Variants in CTNNA3 observed in about 807,000 individuals in gnomAD.
CTNNA3 encodes catenin alpha-3.
A neutral mutation model predicts 95.7 loss-of-function variants in CTNNA3; 76 were observed. The observed-to-expected ratio is 0.79, with a 90% CI of 0.66 to 0.96. CTNNA3 has a LOEUF of 0.96. Among genes scored for constraint, CTNNA3 ranks in the 40% least tolerant of loss-of-function variants. The pLI is 0.00. For missense variants in CTNNA3, 1,191 were observed against 1,089.8 expected (o/e 1.09, Z -1.31); for synonymous variants, 431 against 374.4 (o/e 1.15, Z -1.74).
chr10:67,027,988 T>G (rs1344977734), intron 7 of CTNNA3, among the ~76,000 whole-genome samples: 6 of 152,152 alleles, frequency 3.9e-5, no homozygotes. Flanking sequence ...AACAACCCTG[T>G]GAAGCAAGTA....
chr10:66,524,051 G>T (rs1841162083), intron 10 of CTNNA3, among the ~76,000 whole-genome samples: 1 of 151,870 alleles, frequency 6.6e-6, no homozygotes, highest in African/African-American at 2.4e-5. Context: ...ACTCATCTTT[G>T]TACCTCTGTG....
At chr10:66,849,190 T>C (rs754310471) in intron 7 of CTNNA3, among the ~76,000 whole-genome samples, 19 of 152,204 alleles carry the variant, frequency 1.2e-4, no homozygotes, top group African/African-American at 3.1e-4. Context: ...AACCGTAATT[T>C]CTTTTGTAAT....
At chr10:66,379,381 T>G (rs1564911808) in intron 11 of CTNNA3, 29 bp from the exon 12 acceptor site, 1 of 1,562,516 alleles carries the variant, frequency 6.4e-7, no homozygotes, top group South Asian at 1.1e-5. Context: ...AATTAGTTTT[T>G]GCGTGTGTCT....
In CTNNA3 at chr10:65,956,800, A is replaced by C. The variant is rs189720039; in HGVS notation, c.2400+9812T>G. On this transcript the variant is annotated intron_variant, in intron 17 of 17. Coordinates refer to ENST00000433211, the MANE Select transcript of CTNNA3 (RefSeq NM_013266.4). ...TTTTACATTTGCTGAGGAGTGCTTT[A>C]CTTCCAACTATGTTGTCAATTTTGG... 2.5e-3 allele frequency among the ~76,000 whole-genome samples: 381 copies of C among 152,298 alleles called. 3 individuals are homozygous for C. Among genetic ancestry groups the C allele is most frequent in the African/African-American group, 8.7e-3 (362 of 41,568 alleles).
chr10:66,718,929 A>C (rs2132629376), intron 9 of CTNNA3, among the ~76,000 whole-genome samples: 1 of 152,344 alleles, frequency 6.6e-6, no homozygotes, highest in African/African-American at 2.4e-5. Flanking sequence ...TTACCACTAA[A>C]GTAACATAGA....
At position 67,606,877 on chromosome 10, in the gene CTNNA3, A is replaced by C. The variant is rs1160444067; in HGVS notation, c.272T>G (p.Leu91Arg). 6.2e-7 allele frequency: 1 copy of C among 1,613,480 alleles called. No individual in the cohort carries two copies. The highest frequency in any genetic ancestry group is 1.7e-5 in the Admixed American group (1 of 59,902). The change falls in exon 3 of 18, where the codon CTT (leucine) becomes CGT (arginine). Residue 91 changes from leucine (L) to arginine (R), a missense_variant. Physicochemically the swap from Leu to Arg is moderately radical, Grantham distance 102. Coordinates refer to ENST00000433211, the MANE Select transcript of CTNNA3 (RefSeq NM_013266.4). ...TVLKDELTASLEEVRKESEAL... is the reference protein window; with the variant it reads ...TVLKDELTASREEVRKESEAL... Reference sequence around the variant, plus strand: ...CTCACTTTCTTTGCGAACTTCCTCAAGTGAAGCCGTAAGCTCATCCTTTAA... The same window carrying C: ...CTCACTTTCTTTGCGAACTTCCTCACGTGAAGCCGTAAGCTCATCCTTTAA...
intron 12 of CTNNA3, among the ~76,000 whole-genome samples, chr10:66,360,767 CCTTTTCTTTCTTTCTTT>C (rs1416182645): frequency 8.4e-5 from 6 of 71,614 alleles, no homozygotes; most frequent in African/African-American, 1.2e-4. Context: ...TTCCTTCCTT[CCTTTTCTTTCTTTCTTT>C]CTTCCTTCCT....
intron 3 of CTNNA3, among the ~76,000 whole-genome samples, chr10:67,563,136 C>T (rs1841597641): frequency 6.6e-6 from 1 of 152,092 alleles, no homozygotes; most frequent in Non-Finnish European, 1.5e-5. Context: ...TTGGAAAAAA[C>T]TACTTTAAAG....
chr10:66,666,732 ATTAAAT>A (rs1042088204), intron 9 of CTNNA3, among the ~76,000 whole-genome samples: 4 of 152,060 alleles, frequency 2.6e-5, no homozygotes, highest in Non-Finnish European at 1.5e-5. Flanking sequence ...AATATTCTCT[ATTAAAT>A]AAAGCCCATA....
At chr10:65,948,975 G>C (rs1452988605) in intron 17 of CTNNA3, among the ~76,000 whole-genome samples, 3 of 152,020 alleles carry the variant, frequency 2.0e-5, no homozygotes, top group East Asian at 3.8e-4. Flanking sequence ...AAATTCTTTA[G>C]AGCTTGTTTC....
intron 12 of CTNNA3, among the ~76,000 whole-genome samples, chr10:66,338,703 T>C (rs1309491028): frequency 1.3e-5 from 2 of 151,866 alleles, no homozygotes; most frequent in Non-Finnish European, 2.9e-5. Flanking sequence ...GGCAGGTTGT[T>C]AACTGTGATT....
intron 13 of CTNNA3, among the ~76,000 whole-genome samples, chr10:66,114,190 T>C (rs75318803): frequency 1.3e-5 from 2 of 151,956 alleles, no homozygotes; most frequent in African/African-American, 2.4e-5. Flanking sequence ...ACATATGTGA[T>C]TTTTTTTATC....
chr10:66,584,368 C>T (rs986878928), intron 10 of CTNNA3, among the ~76,000 whole-genome samples: 2 of 151,622 alleles, frequency 1.3e-5, no homozygotes, highest in Non-Finnish European at 3.0e-5. Context: ...CTCTAGAGTT[C>T]GGTGCATATA....
intron 13 of CTNNA3, among the ~76,000 whole-genome samples, chr10:66,267,317 C>T (rs1911479): frequency 0.19 from 28,602 of 151,986 alleles, 2,947 homozygotes; most frequent in Admixed American, 0.27. Context: ...TCTTGACCTC[C>T]GTATCCTTGC....
At chr10:66,489,483 A>C (rs1481259421) in intron 11 of CTNNA3, among the ~76,000 whole-genome samples, 1 of 152,126 alleles carries the variant, frequency 6.6e-6, no homozygotes, top group Non-Finnish European at 1.5e-5. Context: ...AGGGGAGGAA[A>C]TTTAACGCTT....
chr10:67,390,464 T>G (rs1347772120), intron 5 of CTNNA3, among the ~76,000 whole-genome samples: 1 of 152,128 alleles, frequency 6.6e-6, no homozygotes, highest in Non-Finnish European at 1.5e-5. Flanking sequence ...ACAGCCGAAT[T>G]CTACAAGAGG....
intron 17 of CTNNA3, among the ~76,000 whole-genome samples, chr10:65,921,946 G>A (rs563052592): frequency 4.6e-4 from 70 of 151,670 alleles, no homozygotes; most frequent in African/African-American, 1.7e-3. Flanking sequence ...ATTATATGCT[G>A]TAGTATGCAG....
At chr10:67,500,406 G>A (rs916160859) in intron 5 of CTNNA3, among the ~76,000 whole-genome samples, 1 of 152,204 alleles carries the variant, frequency 6.6e-6, no homozygotes, top group Non-Finnish European at 1.5e-5. Context: ...TGTACATTCT[G>A]TTGATTTCGG....
intron 1 of CTNNA3, among the ~76,000 whole-genome samples, chr10:67,711,743 C>T (rs1841111049): frequency 7.7e-6 from 1 of 130,192 alleles, no homozygotes; most frequent in South Asian, 2.9e-4. Context: ...CTCCCCCCAC[C>T]CCACAACTGT....
Sources: gnomAD v4.1 joint callset for allele counts (sites outside exome capture counted in the v4.1 genomes callset) on GRCh38, gnomAD v4.1.1 for gene constraint, MANE v1.5 for transcripts, NCBI Gene and HGNC (gene_info 2026-07-23, HGNC 2026-07-21) for gene names.